The following RNF24 variants were observed in gnomAD, a reference collection of about 807,000 sequenced individuals.
RNF24 encodes ring finger protein 24.
A neutral mutation model predicts 20.0 loss-of-function variants in RNF24; 14 were observed. The observed-to-expected ratio is 0.70, with a 90% confidence interval of 0.46 to 1.10. RNF24 has a LOEUF of 1.10. Among genes scored for constraint, RNF24 ranks in the 50% least tolerant of loss-of-function variants. The pLI, the probability that RNF24 is intolerant of heterozygous loss-of-function variation, is 0.00. For missense variants in RNF24, 124 were observed against 177.6 expected (o/e 0.70, Z 1.71); for synonymous variants, 45 against 61.1 (o/e 0.74, Z 1.23).
Position 3,927,665 on chromosome 20 carries a change from C to G in RNF24, c.*6398G>C, listed in dbSNP as rs1321873271. The stretch of plus-strand genomic sequence containing the variant: ...ACCAGCAACACTCTAGGAAGACCAG[C>G]TGTCACCAGAAGGGAGTTCCTAACA... On this transcript the variant is annotated 3_prime_UTR_variant, in exon 6 of 6. Transcript: ENST00000358395. 6.6e-6 allele frequency: 1 copy of G among 152,254 alleles called. No individual in the cohort carries two copies. The highest frequency in any genetic ancestry group is 1.5e-5 in the Non-Finnish European group (1 of 68,048). The allele number at this position is 152,254 out of a possible 1,614,324, so 9.4% of individuals were successfully genotyped here. A position where few individuals can be genotyped will look rare whatever the true frequency, so the allele number is the denominator to read the frequency against.
chr20:4,007,091 C>T (rs6107393), intron 1 of RNF24, among the ~76,000 whole-genome samples: 20,248 of 152,236 alleles, frequency 0.13, 1,532 homozygotes, highest in Non-Finnish European at 0.17. Flanking sequence ...GCAGAGCAAA[C>T]GCTAAGTCAA....
intron 1 of RNF24, among the ~76,000 whole-genome samples, chr20:3,980,540 A>G (rs1568647031): frequency 6.6e-6 from 1 of 152,212 alleles, no homozygotes; most frequent in Non-Finnish European, 1.5e-5. Flanking sequence ...TTTTCCATTT[A>G]ATATTTTCAG....
intron 1 of RNF24, among the ~76,000 whole-genome samples, chr20:4,012,929 G>A (rs1210379133): frequency 6.6e-6 from 1 of 151,786 alleles, no homozygotes; most frequent in Non-Finnish European, 1.5e-5. Flanking sequence ...CCTAAAAAAT[G>A]TCTTATGCAG....
chr20:3,972,218 T>C (rs964632847), intron 1 of RNF24, among the ~76,000 whole-genome samples: 1 of 151,844 alleles, frequency 6.6e-6, no homozygotes, highest in Admixed American at 6.6e-5. Flanking sequence ...TTCAAAACCT[T>C]CTCCCAACAG....
chr20:4,000,003 G>C (rs1600713825), intron 1 of RNF24, among the ~76,000 whole-genome samples: 3 of 152,148 alleles, frequency 2.0e-5, no homozygotes, highest in South Asian at 4.1e-4. Context: ...AGCAAGGGAA[G>C]GGGGAGGAGC....
At chr20:3,983,528 C>T (rs1979610599) in intron 1 of RNF24, among the ~76,000 whole-genome samples, 1 of 152,110 alleles carries the variant, frequency 6.6e-6, no homozygotes, top group Admixed American at 6.5e-5. Flanking sequence ...CCACAGAATA[C>T]CCAGCTTGGA....
intron 4 of RNF24, among the ~76,000 whole-genome samples, chr20:3,944,209 CAAAAAAAAAAA>C (rs58334745): frequency 1.8e-5 from 2 of 109,880 alleles, no homozygotes; most frequent in Non-Finnish European, 3.9e-5. Flanking sequence ...GACCCCGTCT[CAAAAAAAAAAA>C]AAAAAAAAAA....
chr20:4,002,362 G>A (rs1200540908), intron 1 of RNF24, among the ~76,000 whole-genome samples: 1 of 152,002 alleles, frequency 6.6e-6, no homozygotes, highest in Non-Finnish European at 1.5e-5. Context: ...CTCCAGCCTG[G>A]GCAACAGAGC....
At chr20:3,962,995 G>C (rs1025881966) in intron 2 of RNF24, among the ~76,000 whole-genome samples, 3 of 151,898 alleles carry the variant, frequency 2.0e-5, no homozygotes, top group Admixed American at 6.6e-5. Flanking sequence ...CACTGCACCT[G>C]GCTGATCTAA....
Position 3,956,110 on chromosome 20 carries a change from C to G in RNF24, c.143+7765G>C, listed in dbSNP as rs142216714. Among the ~76,000 whole-genome samples, 847 of 152,088 alleles carry G rather than the reference C, an allele frequency of 5.6e-3. 11 individuals carry two copies. Among genetic ancestry groups the G allele is most frequent in the African/African-American group, 0.02 (816 of 41,488 alleles). On this transcript the variant is annotated intron_variant, in intron 2 of 5. Transcript: ENST00000358395. ...ATAGTTACTTCTTTCTAGTTAGATG[C>G]CTTCTATTTCTTTTTCTTGCCTAAT...
intron 4 of RNF24, among the ~76,000 whole-genome samples, chr20:3,943,999 CAGG>C (rs2146953693): frequency 6.6e-6 from 1 of 152,146 alleles, no homozygotes; most frequent in African/African-American, 2.4e-5. Flanking sequence ...TACGTGAGGT[CAGG>C]AGTTCAAGAC....
At chr20:3,961,256 G>A (rs2091198521) in intron 2 of RNF24, among the ~76,000 whole-genome samples, 2 of 152,044 alleles carry the variant, frequency 1.3e-5, no homozygotes, top group African/African-American at 4.8e-5. Flanking sequence ...AAAAAAATTA[G>A]CTGGGTGTGG....
intron 4 of RNF24, among the ~76,000 whole-genome samples, chr20:3,944,635 T>C (rs1292070730): frequency 1.3e-5 from 2 of 152,244 alleles, no homozygotes; most frequent in African/African-American, 4.8e-5. Context: ...TATCTTAATG[T>C]ATACAGCAGG....
intron 1 of RNF24, among the ~76,000 whole-genome samples, chr20:3,986,649 ATT>A (rs36005352): frequency 1.2e-4 from 17 of 138,824 alleles, no homozygotes; most frequent in Non-Finnish European, 1.1e-4. Context: ...ATGCAGTATA[ATT>A]TTTTTTTTTT....
At position 3,974,589 on chromosome 20, in the gene RNF24, A is replaced by C. The variant is rs543365670; in HGVS notation, c.-7-10565T>G. On this transcript the variant is annotated intron_variant, in intron 1 of 5. Transcript: ENST00000358395. ...GATACCAGATATACATATAAAAATC[A>C]ACTGTGTTTTTATAAATTAGCAATG... Among the ~76,000 whole-genome samples the C allele has an allele frequency of 1.1e-4, 17 of 152,342 alleles. 1 individual carries two copies. The South Asian group carries it at 3.5e-3, about 32-fold the overall frequency.
rs114352328 is a variant in RNF24 at position 3,935,609 on chromosome 20, T to C, written c.229-536A>G. Among the ~76,000 whole-genome samples the C allele has an allele frequency of 4.6e-3, 694 of 152,348 alleles. 3 individuals carry two copies. The highest frequency in any genetic ancestry group is 0.016 in the African/African-American group (674 of 41,572). Reference sequence around the variant, plus strand: ...TCCTTCTGTCAGTGTCTCTGTCATATAAAAAGTTACTGAAGACTCAGTTAA... The same window carrying C: ...TCCTTCTGTCAGTGTCTCTGTCATACAAAAAGTTACTGAAGACTCAGTTAA... On this transcript the variant is annotated intron_variant, in intron 4 of 5. Transcript: ENST00000358395.
intron 4 of RNF24, among the ~76,000 whole-genome samples, chr20:3,944,843 G>A (rs2090998508): frequency 6.6e-6 from 1 of 152,072 alleles, no homozygotes; most frequent in Non-Finnish European, 1.5e-5. Flanking sequence ...AGAAATATTG[G>A]GAACATTTTC....
chr20:3,964,091 GT>G (rs1201271037), intron 1 of RNF24, 67 bp from the exon 2 acceptor site: 1 of 1,426,014 alleles, frequency 7.0e-7, no homozygotes. Context: ...CATTATCATT[GT>G]GCACGTATAG....
chr20:3,945,715 C>CA (rs11481275), intron 3 of RNF24, among the ~76,000 whole-genome samples: 60,142 of 115,246 alleles, frequency 0.52, 13,759 homozygotes, highest in African/African-American at 0.62. Context: ...AACTCCGTCT[C>CA]AAAAAAAAAA....
Sources: allele counts gnomAD v4.1 joint callset (sites outside exome capture counted in the v4.1 genomes callset), GRCh38; gene constraint gnomAD v4.1.1; transcripts MANE v1.5; gene names NCBI Gene and HGNC (gene_info 2026-07-23, HGNC 2026-07-21).